LRIG2: variants seen among roughly 807,000 people sequenced by gnomAD.
The protein encoded by LRIG2 is leucine-rich repeats and immunoglobulin-like domains protein 2.
In LRIG2, 93 loss-of-function variants were observed where a neutral mutation model predicts 107.8. That is an observed-to-expected ratio of 0.86 (90% CI 0.73 to 1.03). The LOEUF (loss-of-function observed/expected upper bound fraction) is 1.03, where lower values mean the gene tolerates loss of function less well. LRIG2 is among the 50% of genes least tolerant of loss of function. The pLI is 0.00. For synonymous variants in LRIG2, 471 were observed against 470.6 expected (o/e 1.00, Z -0.01); for missense variants, 1,226 against 1,296.0 (o/e 0.95, Z 0.83).
chr1:113,100,444 G>C lies in LRIG2; in HGVS notation c.1269G>C (p.Met423Ile). 1 of 1,539,918 alleles carries C rather than the reference G, an allele frequency of 6.5e-7. No homozygotes were observed. The highest frequency in any genetic ancestry group is 1.4e-5 in the African/African-American group (1 of 73,596). ...GAGATTTGAACAATAATGCTATAAT[G>C]TCTATCCAAGAAAATGCTTTTTCTC... Reference protein sequence around the residue: ...EHLDLNNNAIMSIQENAFSQT... With the variant: ...EHLDLNNNAIISIQENAFSQT... The change falls in exon 11 of 18, where the codon ATG becomes ATC. Residue 423 changes from methionine to isoleucine, a missense_variant. Met to Ile is a conservative substitution (Grantham distance 10, BLOSUM62 1). Transcript: ENST00000361127.
chr1:113,102,767 G>A (rs1046710499), intron 11 of LRIG2, among the ~76,000 whole-genome samples: 4 of 152,154 alleles, frequency 2.6e-5, no homozygotes, highest in Non-Finnish European at 4.4e-5. Flanking sequence ...TTTCTTGTAT[G>A]CATTAGGAAA....
rs148091519 is a variant in LRIG2 at position 113,116,401 on chromosome 1, C to T, written c.2645C>T (p.Pro882Leu). The change falls in exon 16 of 18, where the codon CCT becomes CTT. Residue 882 changes from proline (P) to leucine (L), a missense_variant. Pro to Leu is a moderately conservative substitution (Grantham distance 98, BLOSUM62 -3). Around this residue, in one of 3 missense-constraint regions of LRIG2, gnomAD observed 642 missense variants for 712.2 expected, o/e 0.90. Transcript: ENST00000361127. ...GCAGGCAGTCATCAGCAACTTATGC[C>T]TCCTGCCAATGGATATATACACAAA... ...SEAGSHQQLM[P>L]PANGYIHKGT... The T allele has an allele frequency of 2.3e-4, 373 of 1,613,170 alleles. 3 individuals are homozygous for T. In the African/African-American group the frequency reaches 4.4e-3, roughly 19 times the overall value.
Position 113,096,390 on chromosome 1 carries a change from G to A in LRIG2, c.1091+25G>A, listed in dbSNP as rs185234760. On this transcript the variant is annotated intron_variant, in intron 8 of 17. Transcript: ENST00000361127. ...TGTAAGTATATCCATTCTCCTTTTT[G>A]GTTGTTGTTACTGATTTTTTTAGTA... The A allele has an allele frequency of 4.5e-3, 7,190 of 1,595,644 alleles. 32 individuals carry two copies. The highest frequency in any genetic ancestry group is 5.2e-3 in the South Asian group (458 of 87,522).
At chr1:113,108,800 C>T (rs977451729) in intron 12 of LRIG2, among the ~76,000 whole-genome samples, 11 of 151,992 alleles carry the variant, frequency 7.2e-5, no homozygotes, top group South Asian at 2.1e-4. Context: ...TCGCTTGAAC[C>T]GAGAGTTGGA....
In LRIG2 at chr1:113,121,052, G is replaced by A. The variant is rs192986397; in HGVS notation, c.2971+1529G>A. On this transcript the variant is annotated intron_variant, in intron 17 of 17. Coordinates refer to ENST00000361127, the MANE Select transcript of LRIG2 (RefSeq NM_014813.3). ...AGGCTGGTCTCGAACTGCTGACCTC[G>A]TGATCTGCCTGCCTTGGCCTCCCAA... Among the ~76,000 whole-genome samples, 416 of 151,988 alleles carry A rather than the reference G, an allele frequency of 2.7e-3. 1 individual carries two copies. The highest frequency in any genetic ancestry group is 4.1e-3 in the Admixed American group (63 of 15,258).
rs1026406635 is a variant in LRIG2 at position 113,091,422 on chromosome 1, C to T, written c.305+39C>T. 13 of 1,286,680 alleles carry T rather than the reference C, an allele frequency of 1.0e-5. No homozygotes were observed. The African/African-American group carries it at 2.0e-4, about 19-fold the overall frequency. 79.7% of individuals were successfully genotyped at this position (1,286,680 alleles called of 1,614,324 possible). A position where few individuals can be genotyped will look rare whatever the true frequency, so the allele number is the denominator to read the frequency against. The stretch of plus-strand genomic sequence containing the variant: ...ATTTATTTAAAGTTATGTTAAATTC[C>T]TGAGGGAACTTAATAAATTGTGATT... On this transcript the variant is annotated intron_variant, in intron 2 of 17. Transcript: ENST00000361127.
At chr1:113,089,804 T>C (rs1418606089) in intron 1 of LRIG2, among the ~76,000 whole-genome samples, 2 of 150,670 alleles carry the variant, frequency 1.3e-5, no homozygotes, top group African/African-American at 2.4e-5. Flanking sequence ...GTGATTCTCC[T>C]GCCTCAGCCT....
chr1:113,090,133 A>G (rs1468881676), intron 1 of LRIG2, among the ~76,000 whole-genome samples: 1 of 152,210 alleles, frequency 6.6e-6, no homozygotes, highest in African/African-American at 2.4e-5. Context: ...TAATCACTAC[A>G]GGGAATAAAG....
intron 12 of LRIG2, among the ~76,000 whole-genome samples, chr1:113,109,258 T>TTTCTTAACATTA (rs1654669790): frequency 6.6e-6 from 1 of 152,224 alleles, no homozygotes; most frequent in South Asian, 2.1e-4. Flanking sequence ...CCAGTGGAGA[T>TTTCTTAACATTA]ACTGGTTAAG....
chr1:113,116,709 A>G (rs189936583), intron 16 of LRIG2, among the ~76,000 whole-genome samples: 56 of 152,314 alleles, frequency 3.7e-4, no homozygotes, highest in Non-Finnish European at 6.0e-4. Context: ...ATATTCTGCA[A>G]ACTTTTTTCA....
At chr1:113,113,180 C>T (rs948519426) in intron 14 of LRIG2, among the ~76,000 whole-genome samples, 5 of 143,592 alleles carry the variant, frequency 3.5e-5, no homozygotes, top group Admixed American at 2.9e-4. Context: ...TAACTGTTTG[C>T]TCCTAGTTCA....
At chr1:113,090,900 G>A (rs1365060898) in intron 1 of LRIG2, among the ~76,000 whole-genome samples, 1 of 150,490 alleles carries the variant, frequency 6.6e-6, no homozygotes, top group Non-Finnish European at 1.5e-5. Flanking sequence ...CACCTACGCT[G>A]GAGTACAGTG....
chr1:113,126,220 T>C lies in LRIG2; in HGVS notation c.*2119T>C, dbSNP rs1168771243. 6.6e-6 allele frequency: 1 copy of C among 152,230 alleles called. No individual in the cohort carries two copies. Among genetic ancestry groups the C allele is most frequent in the Non-Finnish European group, 1.5e-5 (1 of 68,038 alleles). 9.4% of individuals were successfully genotyped at this position (152,230 alleles called of 1,614,324 possible). A position where few individuals can be genotyped will look rare whatever the true frequency, so the allele number is the denominator to read the frequency against. On this transcript the variant is annotated 3_prime_UTR_variant, in exon 18 of 18. Transcript: ENST00000361127. Reference sequence around the variant, plus strand: ...TCATGTTGCTGAGTTCTAGAAAATCTCTGTCTCATTTACCAGGGGTCATTC... The same window carrying C: ...TCATGTTGCTGAGTTCTAGAAAATCCCTGTCTCATTTACCAGGGGTCATTC...
intron 2 of LRIG2, 130 bp downstream of exon 2, chr1:113,091,513 T>G: frequency 1.7e-6 from 1 of 590,586 alleles, no homozygotes; most frequent in Admixed American, 3.4e-5. Flanking sequence ...AAAGAAATTA[T>G]TTGAAAACCT....
At position 113,094,402 on chromosome 1, in the gene LRIG2, C is replaced by G. The variant is rs775659713; in HGVS notation, c.579C>G (p.Ser193=). The G allele has an allele frequency of 2.5e-6, 4 of 1,613,198 alleles. No homozygotes were observed. The highest frequency in any genetic ancestry group is 8.5e-7 in the Non-Finnish European group (1 of 1,179,698). The change falls in exon 5 of 18, where the codon TCC becomes TCG. Residue 193 remains serine (S), a synonymous_variant. Transcript: ENST00000361127. Reference sequence around the variant, plus strand: ...GTTGCTTCGATAATTTATCAAGTTCCTTATTAGTGGTAAAGTTAAACCGTA... The same window carrying G: ...GTTGCTTCGATAATTTATCAAGTTCGTTATTAGTGGTAAAGTTAAACCGTA... The part of the protein sequence containing the change: ...EAGCFDNLSS[S]LLVVKLNRNR...
intron 9 of LRIG2, 110 bp from the exon 10 acceptor site, chr1:113,100,101 G>A (rs1654241681): frequency 3.6e-6 from 2 of 556,290 alleles, no homozygotes; most frequent in Admixed American, 6.8e-5. Context: ...AAGCTGTTAA[G>A]TATATAAAAA....
intron 1 of LRIG2, among the ~76,000 whole-genome samples, chr1:113,083,552 G>A (rs1055606639): frequency 6.6e-6 from 1 of 150,884 alleles, no homozygotes; most frequent in African/African-American, 2.4e-5. Flanking sequence ...CTCCATGTTG[G>A]CCAGGCTGGT....
At position 113,110,234 on chromosome 1, in the gene LRIG2, C is replaced by T. The variant is rs1309156803; in HGVS notation, c.1478-8C>T. On this transcript the variant is annotated splice_polypyrimidine_tract_variant and splice_region_variant and intron_variant, in intron 12 of 17. Coordinates refer to ENST00000361127, the MANE Select transcript of LRIG2 (RefSeq NM_014813.3). The stretch of plus-strand genomic sequence containing the variant: ...GACTTGGCTACGGATGCATTTTTTT[C>T]CCCTTAGATGATTTTCTCAAGCCAC... The T allele has an allele frequency of 6.4e-7, 1 of 1,551,404 alleles. No homozygotes were observed. The highest frequency in any genetic ancestry group is 1.2e-5 in the South Asian group (1 of 83,160).
rs750038369 is a variant in LRIG2, at chr1:113,124,656, G to A, written c.*555G>A. The A allele has an allele frequency of 1.3e-5, 2 of 152,994 alleles. No individual in the cohort carries two copies. Among genetic ancestry groups the A allele is most frequent in the Admixed American group, 1.3e-4 (2 of 15,328 alleles). 9.5% of individuals were successfully genotyped at this position (152,994 alleles called of 1,614,324 possible). On this transcript the variant is annotated 3_prime_UTR_variant, in exon 18 of 18. Transcript: ENST00000361127. ...CCAGGTCAAAGATTTTTGTATTCTT[G>A]TGAATTTTTTTTTTTGTCCCTATTG...
Sources: allele counts gnomAD v4.1 joint callset (sites outside exome capture counted in the v4.1 genomes callset), GRCh38; gene constraint gnomAD v4.1.1; regional missense constraint gnomAD v4.1.1; transcripts MANE v1.5; gene names NCBI Gene and HGNC (gene_info 2026-07-23, HGNC 2026-07-21).